Variants in TRMT11 observed in about 807,000 individuals in gnomAD.
TRMT11 encodes tRNA methyltransferase 11.
Under a neutral mutation model 62.8 loss-of-function variants are expected in TRMT11, and 53 were observed. The ratio of observed to expected loss-of-function variants is 0.84; its 90% CI spans 0.68 to 1.06. The LOEUF is 1.06. Among genes scored for constraint, TRMT11 ranks in the 50% least tolerant of loss-of-function variants. The pLI is 0.00. For synonymous variants in TRMT11, 188 were observed against 190.3 expected (o/e 0.99, Z 0.10); for missense variants, 556 against 553.4 (o/e 1.00, Z -0.05).
intron 17 of TRMT11, among the ~76,000 whole-genome samples, chr6:126,093,629 A>ATATATATATATG (rs1554236840): frequency 1.1e-5 from 1 of 94,040 alleles, no homozygotes; most frequent in African/African-American, 4.6e-5. Context: ...ATATATATAT[A>ATATATATATATG]TATTTTCCCC....
At chr6:125,994,215 A>C in intron 2 of TRMT11, among the ~76,000 whole-genome samples, 1 of 152,250 alleles carries the variant, frequency 6.6e-6, no homozygotes, top group East Asian at 1.9e-4. Context: ...ATTTTGCATA[A>C]AACTATATCA....
intron 21 of TRMT11, among the ~76,000 whole-genome samples, chr6:126,119,495 AAAAGACT>A (rs1381634304): frequency 6.6e-6 from 1 of 151,860 alleles, no homozygotes; most frequent in East Asian, 1.9e-4. Context: ...AAAAAAAAAA[AAAAGACT>A]AAGACAAGAA....
the TRMT11 span, among the ~76,000 whole-genome samples, chr6:126,225,109 A>C: frequency 1.3e-5 from 2 of 152,200 alleles, no homozygotes; most frequent in African/African-American, 4.8e-5. Context: ...CAACAAAGCC[A>C]AAGCTACCCC....
the TRMT11 span, among the ~76,000 whole-genome samples, chr6:126,247,364 C>T: frequency 6.6e-6 from 1 of 151,384 alleles, no homozygotes; most frequent in Non-Finnish European, 1.5e-5. Flanking sequence ...CACACATATA[C>T]ACACACACAG....
upstream of TRMT11, among the ~76,000 whole-genome samples, chr6:126,175,357 A>AT (rs1426384092): frequency 1.3e-5 from 2 of 152,052 alleles, no homozygotes; most frequent in Non-Finnish European, 2.9e-5. Context: ...ATTTGTAGAT[A>AT]TTTTTTCATT....
chr6:126,270,690 A>C, the TRMT11 span, among the ~76,000 whole-genome samples: 1 of 152,222 alleles, frequency 6.6e-6, no homozygotes, highest in African/African-American at 2.4e-5. Context: ...CATTTTGCAA[A>C]ATGTTAAAAA....
chr6:126,101,793 A>G (rs1160799005), intron 17 of TRMT11, among the ~76,000 whole-genome samples: 3 of 152,168 alleles, frequency 2.0e-5, no homozygotes, highest in Non-Finnish European at 4.4e-5. Flanking sequence ...TTGATTTCCT[A>G]TTGGCATCTC....
the TRMT11 span, among the ~76,000 whole-genome samples, chr6:126,246,923 T>C: frequency 1.3e-5 from 2 of 152,114 alleles, no homozygotes; most frequent in South Asian, 2.1e-4. Flanking sequence ...TATTAAGAAA[T>C]GGAGAAGCAG....
At chr6:126,114,411 TA>T (rs1460542218) in intron 18 of TRMT11, among the ~76,000 whole-genome samples, 1 of 152,056 alleles carries the variant, frequency 6.6e-6, no homozygotes, top group Non-Finnish European at 1.5e-5. Flanking sequence ...GATCCTCTAC[TA>T]GGGGTGACAG....
chr6:126,191,009 C>T (rs1187384455), intron 1 of TRMT11, among the ~76,000 whole-genome samples: 1 of 152,164 alleles, frequency 6.6e-6, no homozygotes, highest in African/African-American at 2.4e-5. Flanking sequence ...TGAGGAACCT[C>T]CATACTGTTT....
chr6:126,248,654 C>T, the TRMT11 span, among the ~76,000 whole-genome samples: 1 of 151,964 alleles, frequency 6.6e-6, no homozygotes, highest in Non-Finnish European at 1.5e-5. Context: ...TGTCTTTTGC[C>T]TCTGACTCAA....
the TRMT11 span, among the ~76,000 whole-genome samples, chr6:126,249,655 T>A: frequency 6.6e-6 from 1 of 152,044 alleles, no homozygotes; most frequent in African/African-American, 2.4e-5. Flanking sequence ...ACTTAATAAA[T>A]AAAAATATGC....
chr6:126,089,070 C>T (rs1045813323), intron 17 of TRMT11, among the ~76,000 whole-genome samples: 15 of 151,186 alleles, frequency 9.9e-5, no homozygotes, highest in African/African-American at 3.4e-4. Flanking sequence ...ACTTATTGAG[C>T]TCTCACTACA....
At chr6:126,270,115 T>A in the TRMT11 span, among the ~76,000 whole-genome samples, 1 of 152,316 alleles carries the variant, frequency 6.6e-6, no homozygotes, top group Non-Finnish European at 1.5e-5. Flanking sequence ...CTCAGATACA[T>A]GGCATAACCA....
chr6:126,143,190 A>T lies in TRMT11; in HGVS notation c.*1823+27335A>T, dbSNP rs537295449. Among the ~76,000 whole-genome samples the T allele has an allele frequency of 1.2e-4, 19 of 152,172 alleles. No individual in the cohort carries two copies. The South Asian group carries it at 2.9e-3, about 23-fold the overall frequency. The stretch of plus-strand genomic sequence containing the variant: ...TGTGCAAATAGGACTCCAAAAAATA[A>T]TTTTTTTCTGAGTATTAACATTTGT... On this transcript the variant is annotated intron_variant and NMD_transcript_variant, in intron 21 of 22. Coordinates refer to the TRMT11 transcript ENST00000648977.
chr6:126,037,102 G>A (rs1051758719), intron 12 of TRMT11, among the ~76,000 whole-genome samples: 3 of 151,894 alleles, frequency 2.0e-5, no homozygotes, highest in Non-Finnish European at 4.4e-5. Flanking sequence ...TATTCTCAGA[G>A]CTCCTCCTGC....
chr6:126,188,849 T>G (rs969470053), intron 1 of TRMT11, among the ~76,000 whole-genome samples: 35 of 152,162 alleles, frequency 2.3e-4, no homozygotes, highest in Non-Finnish European at 4.0e-4. Context: ...CAAGGACTTT[T>G]TATTAAATCA....
At chr6:125,988,208 T>G (rs929279216) in intron 1 of TRMT11, among the ~76,000 whole-genome samples, 2 of 152,220 alleles carry the variant, frequency 1.3e-5, no homozygotes, top group African/African-American at 4.8e-5. Flanking sequence ...ATTGATAGTC[T>G]CAATTAGAAG....
intron 12 of TRMT11, among the ~76,000 whole-genome samples, chr6:126,025,410 T>C (rs193257642): frequency 4.1e-4 from 63 of 152,312 alleles, no homozygotes; most frequent in African/African-American, 1.4e-3. Flanking sequence ...TATCATTTTA[T>C]TTTGTTCTTT....
Sources: allele counts gnomAD v4.1 joint callset (sites outside exome capture counted in the v4.1 genomes callset), GRCh38; gene constraint gnomAD v4.1.1; transcripts MANE v1.5; gene names NCBI Gene and HGNC (gene_info 2026-07-23, HGNC 2026-07-21).